Variants in PCDHGB3 observed in about 807,000 individuals in gnomAD.
PCDHGB3 encodes the protein protocadherin gamma subfamily B, 3, also known as protocadherin gamma-B3.
Under a neutral mutation model 59.2 loss-of-function variants are expected in PCDHGB3, and 40 were observed. That is an observed-to-expected ratio of 0.68 (90% CI 0.52 to 0.88). The LOEUF (loss-of-function observed/expected upper bound fraction) is 0.88, where lower values mean the gene tolerates loss of function less well. PCDHGB3 is among the 40% of genes least tolerant of loss of function. The pLI is 0.00. For synonymous variants in PCDHGB3, 581 were observed against 503.6 expected, an observed-to-expected ratio of 1.15 and a Z score of -2.06; for missense variants, 1,309 against 1,187.9, an observed-to-expected ratio of 1.10 and a Z score of -1.50.
intron 1 of PCDHGB3, chr5:141,419,239 C>T (rs374093302): frequency 3.7e-6 from 6 of 1,614,008 alleles, no homozygotes; most frequent in East Asian, 2.2e-5. Context: ...ACCTGGTCCA[C>T]GTGCCAGAAA....
intron 1 of PCDHGB3, chr5:141,408,965 C>A: frequency 3.1e-6 from 5 of 1,613,806 alleles, no homozygotes; most frequent in Non-Finnish European, 4.2e-6. Flanking sequence ...TAGTGAAAAT[C>A]TGCCCCCTGG....
Position 141,489,173 on chromosome 5 carries a change from C to T in PCDHGB3, c.2416-5634C>T. 8.3e-7 allele frequency: 1 copy of T among 1,208,434 alleles called. No individual in the cohort carries two copies. Among genetic ancestry groups the T allele is most frequent in the Non-Finnish European group, 1.2e-6 (1 of 860,944 alleles). The allele number at this position is 1,208,434 out of a possible 1,614,324, so 74.9% of individuals were successfully genotyped here. ...CATAAGAGACTTCAGCTGCTGCATTCCAAGCCCTGGGTCTACCTTGGAGAC... is the reference window on the plus strand; with the variant it reads ...CATAAGAGACTTCAGCTGCTGCATTTCAAGCCCTGGGTCTACCTTGGAGAC... On this transcript the variant is annotated intron_variant, in intron 1 of 3. Coordinates refer to ENST00000576222, the MANE Select transcript of PCDHGB3 (RefSeq NM_018924.5). The surrounding 1 kb of genome is among the most constrained non-coding windows in gnomAD (Gnocchi z 4.5).
chr5:141,405,319 GC>G, intron 1 of PCDHGB3: 1 of 1,614,176 alleles, frequency 6.2e-7, no homozygotes, highest in Non-Finnish European at 8.5e-7. Context: ...AGAAAAATGA[GC>G]CTTTGTGCGT....
chr5:141,418,452 A>C (rs2096259372), intron 1 of PCDHGB3: 5 of 1,614,024 alleles, frequency 3.1e-6, no homozygotes, highest in Non-Finnish European at 4.2e-6. Context: ...GTATTGCAGA[A>C]GACTCTGGAC....
rs1445450316 is a variant in PCDHGB3, at chr5:141,491,210, C to T, written c.2416-3597C>T. On this transcript the variant is annotated intron_variant, in intron 1 of 3. Coordinates refer to ENST00000576222, the MANE Select transcript of PCDHGB3 (RefSeq NM_018924.5). The surrounding 1 kb of genome is among the most constrained non-coding windows in gnomAD (Gnocchi z 6.9). ...AGGGACAATGGTGACCCTTCACTCT[C>T]CTCCACAGCCACAGTGCTGCTGGTT... The T allele has an allele frequency of 3.7e-6, 6 of 1,614,228 alleles. No homozygotes were observed. Among genetic ancestry groups the T allele is most frequent in the Non-Finnish European group, 3.4e-6 (4 of 1,180,032 alleles).
chr5:141,458,567 TTTTG>T (rs144471304), intron 1 of PCDHGB3, among the ~76,000 whole-genome samples: 42,006 of 151,504 alleles, frequency 0.28, 6,493 homozygotes, highest in African/African-American at 0.43. Context: ...GGTTTTGGGT[TTTTG>T]TTTGTTTGTT....
chr5:141,400,858 G>A (rs1332975731), intron 1 of PCDHGB3, among the ~76,000 whole-genome samples: 1 of 152,108 alleles, frequency 6.6e-6, no homozygotes, highest in Non-Finnish European at 1.5e-5. Context: ...TTTATTGTAT[G>A]TAGATAAACC....
In PCDHGB3 at chr5:141,431,538, A is replaced by G; in HGVS notation, c.2415+58729A>G. ...CCGGAGAATCTGGCCTTGGGCACGC[A>G]GCTGCTTGTAGTCAACGCTACCGAC... is the stretch of plus-strand genomic sequence containing the variant. On this transcript the variant is annotated intron_variant, in intron 1 of 3. Transcript: ENST00000576222. The surrounding 1 kb of genome is among the most constrained non-coding windows in gnomAD (Gnocchi z 4.8). The G allele has an allele frequency of 6.2e-7, 1 of 1,614,114 alleles. No individual in the cohort carries two copies. Among genetic ancestry groups the G allele is most frequent in the Non-Finnish European group, 8.5e-7 (1 of 1,180,024 alleles).
chr5:141,485,899 C>A lies in PCDHGB3; in HGVS notation c.2416-8908C>A, dbSNP rs775312856. 12 of 1,614,166 alleles carry A rather than the reference C, an allele frequency of 7.4e-6. No individual in the cohort carries two copies. The highest frequency in any genetic ancestry group is 8.5e-6 in the Non-Finnish European group (10 of 1,180,032). On this transcript the variant is annotated intron_variant, in intron 1 of 3. Coordinates refer to ENST00000576222, the MANE Select transcript of PCDHGB3 (RefSeq NM_018924.5). The surrounding 1 kb of genome is among the most constrained non-coding windows in gnomAD (Gnocchi z 5.7). ...ACGTAAACGACAACGCCCCAGCCTT[C>A]CAGCAATCCAGCTACAGGATTAGTG...
intron 1 of PCDHGB3, chr5:141,471,417 T>A (rs1174855045): frequency 6.6e-6 from 1 of 152,190 alleles, no homozygotes; most frequent in Non-Finnish European, 1.5e-5. Flanking sequence ...GTTATGTTTT[T>A]AGCAAGGAAA....
At chr5:141,430,911 A>T (rs544678317) in intron 1 of PCDHGB3, 4 of 1,607,840 alleles carry the variant, frequency 2.5e-6, no homozygotes, top group Non-Finnish European at 3.4e-6. Context: ...ATCTCCAGGG[A>T]CCTGGGGCTG....
At chr5:141,424,129 T>G in intron 1 of PCDHGB3, 1 of 492,066 alleles carries the variant, frequency 2.0e-6, no homozygotes, top group Non-Finnish European at 2.7e-6. Context: ...TCCTGTTGAT[T>G]TAATAGCATG....
rs200349213 is a variant in PCDHGB3 at position 141,425,728 on chromosome 5, GGAT to G, written c.2415+52921_2415+52923del. Among the ~76,000 whole-genome samples the G allele has an allele frequency of 9.8e-4, 149 of 152,196 alleles. 2 individuals carry two copies. In the East Asian group the frequency reaches 0.027, roughly 28 times the overall value. ...AAAATTTTCCCATACCACTTGATGG[GGAT>G]GTTTTCCCACAAGGTTTTTGTTCTA... On this transcript the variant is annotated intron_variant, in intron 1 of 3. Transcript: ENST00000576222.
At chr5:141,389,008 G>A in intron 1 of PCDHGB3, 1 of 1,613,992 alleles carries the variant, frequency 6.2e-7, no homozygotes. Flanking sequence ...AAGGATTCCA[G>A]ACACAATGGA....
chr5:141,418,848 G>T (rs770294020), intron 1 of PCDHGB3: 1 of 1,613,954 alleles, frequency 6.2e-7, no homozygotes, highest in Non-Finnish European at 8.5e-7. Flanking sequence ...CTCTCAACAC[G>T]GTGTAAAGTA....
At chr5:141,438,985 A>G (rs1461265086) in intron 1 of PCDHGB3, among the ~76,000 whole-genome samples, 1 of 151,940 alleles carries the variant, frequency 6.6e-6, no homozygotes, top group Non-Finnish European at 1.5e-5. Context: ...ACTTATCTTA[A>G]AAGGCTAAGG....
intron 1 of PCDHGB3, among the ~76,000 whole-genome samples, chr5:141,425,257 G>A (rs746250240): frequency 6.6e-6 from 1 of 152,152 alleles, no homozygotes; most frequent in Non-Finnish European, 1.5e-5. Context: ...TGAGGTATTT[G>A]GCTGGGAAAA....
intron 1 of PCDHGB3, chr5:141,392,883 TGGGAAATC>T (rs1224904365): frequency 3.1e-6 from 5 of 1,613,518 alleles, no homozygotes; most frequent in Non-Finnish European, 4.2e-6. Flanking sequence ...GGGAACGCTG[TGGGAAATC>T]GGGAGGGGAC....
chr5:141,382,072 G>A (rs901840757), intron 1 of PCDHGB3, among the ~76,000 whole-genome samples: 2 of 151,786 alleles, frequency 1.3e-5, no homozygotes, highest in African/African-American at 4.8e-5. Context: ...CAGGTGATCC[G>A]CCCGCCTCGG....
Sources: gnomAD v4.1 joint callset for allele counts (sites outside exome capture counted in the v4.1 genomes callset) on GRCh38, gnomAD v4.1.1 for gene constraint, Gnocchi (gnomAD v3.1) non-coding constraint, MANE v1.5 for transcripts, NCBI Gene and HGNC (gene_info 2026-07-23, HGNC 2026-07-21) for gene names.